SDK1: variants seen among roughly 807,000 people sequenced by gnomAD.
SDK1 encodes the protein sidekick cell adhesion molecule 1.
SDK1 carries 157 observed loss-of-function variants against 245.5 expected under a neutral mutation model. The observed-to-expected ratio is 0.64, with a 90% CI of 0.56 to 0.73. SDK1 has a LOEUF of 0.73. Among genes scored for constraint, SDK1 ranks in the 30% least tolerant of loss-of-function variants. The pLI is 0.00. For missense variants in SDK1, 3,583 were observed against 3,002.3 expected, an observed-to-expected ratio of 1.19 and a Z score of -4.52; for synonymous variants, 1,647 against 1,278.5, an observed-to-expected ratio of 1.29 and a Z score of -6.15.
intron 1 of SDK1, among the ~76,000 whole-genome samples, chr7:3,337,635 A>C (rs1405655211): frequency 6.6e-6 from 1 of 152,234 alleles, no homozygotes; most frequent in Non-Finnish European, 1.5e-5. Context: ...AAAGCTACTG[A>C]AAGTAGCTGG....
intron 1 of SDK1, among the ~76,000 whole-genome samples, chr7:3,441,322 T>G (rs1216667400): frequency 6.6e-6 from 1 of 152,152 alleles, no homozygotes; most frequent in East Asian, 1.9e-4. Flanking sequence ...GGCCTTTGAA[T>G]GTATCTCTTG....
At chr7:4,234,239 C>G (rs148180075) in intron 41 of SDK1, among the ~76,000 whole-genome samples, 3 of 152,296 alleles carry the variant, frequency 2.0e-5, no homozygotes, top group Non-Finnish European at 4.4e-5. Flanking sequence ...ACTGCCGATC[C>G]CAGGCTGGGC....
chr7:3,984,749 A>G (rs1428313398), intron 13 of SDK1, among the ~76,000 whole-genome samples: 1 of 152,108 alleles, frequency 6.6e-6, no homozygotes, highest in Admixed American at 6.5e-5. Flanking sequence ...CCTATCTCCC[A>G]TCCTGACTAT....
intron 22 of SDK1, among the ~76,000 whole-genome samples, chr7:4,103,951 C>A (rs571174024): frequency 6.6e-6 from 1 of 152,260 alleles, no homozygotes. Context: ...GGCCAGCAGC[C>A]GCACAAACCA....
intron 1 of SDK1, among the ~76,000 whole-genome samples, chr7:3,478,573 CTT>C (rs1188292277): frequency 6.6e-6 from 1 of 151,760 alleles, no homozygotes; most frequent in Non-Finnish European, 1.5e-5. Flanking sequence ...ATCTATAAGT[CTT>C]TTTGCATTTG....
At chr7:3,487,328 G>A (rs1781730961) in intron 1 of SDK1, among the ~76,000 whole-genome samples, 1 of 152,026 alleles carries the variant, frequency 6.6e-6, no homozygotes, top group African/African-American at 2.4e-5. Flanking sequence ...TCTCCCTTTT[G>A]AATCACTATG....
At chr7:4,209,416 G>A (rs1015681006) in intron 37 of SDK1, among the ~76,000 whole-genome samples, 5 of 152,178 alleles carry the variant, frequency 3.3e-5, no homozygotes, top group Admixed American at 1.3e-4. Context: ...CACGGCGCCC[G>A]GGCAGAGGGG....
At chr7:3,931,831 CT>C (rs777139801) in intron 5 of SDK1, among the ~76,000 whole-genome samples, 2 of 152,188 alleles carry the variant, frequency 1.3e-5, no homozygotes, top group Non-Finnish European at 2.9e-5. Context: ...ACAAATGACG[CT>C]CTCCTATTAG....
chr7:3,672,621 TATA>T (rs1179084424), intron 4 of SDK1, among the ~76,000 whole-genome samples: 2 of 140,934 alleles, frequency 1.4e-5, no homozygotes, highest in African/African-American at 2.6e-5. Flanking sequence ...TAATATAATA[TATA>T]ATAATATATA....
chr7:3,561,029 T>A (rs922079662), intron 1 of SDK1, among the ~76,000 whole-genome samples: 3 of 152,158 alleles, frequency 2.0e-5, no homozygotes, highest in Non-Finnish European at 4.4e-5. Context: ...ACATCTAACA[T>A]ACTATATGTT....
intron 41 of SDK1, among the ~76,000 whole-genome samples, chr7:4,235,493 T>A (rs1422294551): frequency 6.6e-6 from 1 of 152,130 alleles, no homozygotes; most frequent in African/African-American, 2.4e-5. Flanking sequence ...GAGTAAGATT[T>A]AGAAAAAGCA....
intron 35 of SDK1, among the ~76,000 whole-genome samples, chr7:4,191,673 C>T (rs887031865): frequency 5.3e-5 from 8 of 152,368 alleles, no homozygotes; most frequent in South Asian, 2.1e-4. Flanking sequence ...GGAGGATCAC[C>T]GGCCTGGGCC....
chr7:3,590,556 T>G (rs1475046586), intron 1 of SDK1, among the ~76,000 whole-genome samples: 1 of 152,156 alleles, frequency 6.6e-6, no homozygotes, highest in South Asian at 2.1e-4. Flanking sequence ...ATTCCTTGCA[T>G]TGGGCAACAG....
intron 44 of SDK1, among the ~76,000 whole-genome samples, chr7:4,252,048 T>C (rs1334619444): frequency 1.3e-5 from 2 of 152,236 alleles, no homozygotes; most frequent in East Asian, 3.8e-4. Context: ...GTTCATAGTG[T>C]ATAATCCTTT....
intron 43 of SDK1, among the ~76,000 whole-genome samples, chr7:4,242,131 C>T (rs944996523): frequency 4.6e-5 from 7 of 152,142 alleles, no homozygotes; most frequent in South Asian, 2.1e-4. Flanking sequence ...AGGACATCTC[C>T]GGAGATTTAG....
chr7:4,262,434 A>C (rs963376547), intron 44 of SDK1, among the ~76,000 whole-genome samples: 3 of 151,826 alleles, frequency 2.0e-5, no homozygotes, highest in Non-Finnish European at 2.9e-5. Flanking sequence ...CCATGTTCTT[A>C]ATGGAAGCTG....
chr7:3,843,489 C>T (rs1247112587), intron 5 of SDK1, among the ~76,000 whole-genome samples: 1 of 152,220 alleles, frequency 6.6e-6, no homozygotes, highest in Non-Finnish European at 1.5e-5. Context: ...CTCAAATTAA[C>T]TAAAGTCAAC....
chr7:3,505,158 T>A (rs1782353305), intron 1 of SDK1, among the ~76,000 whole-genome samples: 1 of 152,210 alleles, frequency 6.6e-6, no homozygotes, highest in South Asian at 2.1e-4. Context: ...CTCTTTTAGG[T>A]CAATTGAATA....
chr7:4,084,201 C>T (rs1781279180), intron 22 of SDK1, among the ~76,000 whole-genome samples: 1 of 152,202 alleles, frequency 6.6e-6, no homozygotes, highest in Admixed American at 6.5e-5. Flanking sequence ...CCTTAATTAC[C>T]AGTTTCCAGG....
Sources: allele counts gnomAD v4.1 joint callset (sites outside exome capture counted in the v4.1 genomes callset), GRCh38; gene constraint gnomAD v4.1.1; transcripts MANE v1.5; gene names NCBI Gene and HGNC (gene_info 2026-07-23, HGNC 2026-07-21).